The following MGAT4C variants were observed in gnomAD, a reference collection of about 807,000 sequenced individuals.
The protein encoded by MGAT4C is alpha-1,3-mannosyl-glycoprotein 4-beta-N-acetylglucosaminyltransferase C.
A neutral mutation model predicts 40.1 loss-of-function variants in MGAT4C; 19 were observed. The ratio of observed to expected loss-of-function variants is 0.47; its 90% CI spans 0.33 to 0.70. The LOEUF (loss-of-function observed/expected upper bound fraction) is 0.70, where lower values mean the gene tolerates loss of function less well. Among genes scored for constraint, MGAT4C ranks in the 30% least tolerant of loss-of-function variants. MGAT4C has a pLI of 0.02. For synonymous variants in MGAT4C, 181 were observed against 187.1 expected, an observed-to-expected ratio of 0.97 and a Z score of 0.27; for missense variants, 491 against 563.2, an observed-to-expected ratio of 0.87 and a Z score of 1.30.
chr12:86,797,009 T>C (rs1952135656), intron 1 of MGAT4C, among the ~76,000 whole-genome samples: 1 of 151,898 alleles, frequency 6.6e-6, no homozygotes, highest in African/African-American at 2.4e-5. Context: ...TGGCTTATCT[T>C]TTTGACTAAT....
chr12:86,349,907 C>G (rs1038672326), intron 3 of MGAT4C, among the ~76,000 whole-genome samples: 1 of 151,610 alleles, frequency 6.6e-6, no homozygotes, highest in African/African-American at 2.4e-5. Flanking sequence ...TAATTTATTC[C>G]AAATATAATT....
intron 1 of MGAT4C, among the ~76,000 whole-genome samples, chr12:86,054,012 C>T (rs979583604): frequency 6.6e-6 from 1 of 151,814 alleles, no homozygotes; most frequent in Non-Finnish European, 1.5e-5. Context: ...ATTAGTACAG[C>T]CGCTATGGAA....
In MGAT4C at chr12:86,092,879, A is replaced by G. The variant is rs556757638; in HGVS notation, c.-56-43156T>C. On this transcript the variant is annotated intron_variant, in intron 1 of 4. Transcript: ENST00000611864. ...CCTCTTTTTTTTATTATTATACTTT[A>G]AGTTCTAAGGTACATGTGCAGAACG... is the stretch of plus-strand genomic sequence containing the variant. 1.6e-4 allele frequency among the ~76,000 whole-genome samples: 24 copies of G among 151,970 alleles called. 1 individual carries two copies. In the South Asian group the frequency reaches 4.2e-3, roughly 26 times the overall value.
intron 1 of MGAT4C, among the ~76,000 whole-genome samples, chr12:86,152,294 G>A (rs1425392298): frequency 6.6e-6 from 1 of 152,210 alleles, no homozygotes; most frequent in Non-Finnish European, 1.5e-5. Flanking sequence ...CCAAGATCAA[G>A]GCGCTGGCAG....
intron 2 of MGAT4C, among the ~76,000 whole-genome samples, chr12:86,578,382 C>T (rs1960646556): frequency 6.6e-6 from 1 of 151,798 alleles, no homozygotes; most frequent in African/African-American, 2.4e-5. Context: ...GTAACACTGG[C>T]CTCATAGAAT....
rs539136258 is a variant in MGAT4C at position 86,411,985 on chromosome 12, A to C, written c.-120+23172T>G. 2.6e-5 allele frequency among the ~76,000 whole-genome samples: 4 copies of C among 152,298 alleles called. No individual in the cohort carries two copies. In the East Asian group the frequency reaches 7.7e-4, roughly 29 times the overall value. On this transcript the variant is annotated intron_variant, in intron 3 of 7. Coordinates refer to the MGAT4C transcript ENST00000548651. ...CACTGCTCCAAAGAGTGCCAGTCCT[A>C]AGGCCTGGTGGCTTCCACATGGTGT...
At chr12:86,425,226 G>T (rs1019862615) in intron 3 of MGAT4C, among the ~76,000 whole-genome samples, 5 of 152,140 alleles carry the variant, frequency 3.3e-5, no homozygotes, top group African/African-American at 1.2e-4. Context: ...AGAAGAATGA[G>T]AAATACACTG....
intron 4 of MGAT4C, among the ~76,000 whole-genome samples, chr12:86,324,736 ACAAT>A (rs1954485845): frequency 6.6e-6 from 1 of 152,224 alleles, no homozygotes; most frequent in South Asian, 2.1e-4. Context: ...AATTAGAAAA[ACAAT>A]CAATATTTCT....
intron 2 of MGAT4C, among the ~76,000 whole-genome samples, chr12:86,561,064 T>G (rs1049182935): frequency 2.6e-5 from 4 of 152,088 alleles, no homozygotes; most frequent in Non-Finnish European, 4.4e-5. Flanking sequence ...AAAAATATGC[T>G]TATGAATAAA....
chr12:86,043,495 C>T, intron 2 of MGAT4C, among the ~76,000 whole-genome samples: 1 of 152,246 alleles, frequency 6.6e-6, no homozygotes, highest in East Asian at 1.9e-4. Flanking sequence ...CAGTCTAGTC[C>T]TTCCACATTC....
At chr12:86,786,798 T>C (rs1050880997) in intron 1 of MGAT4C, among the ~76,000 whole-genome samples, 4 of 152,140 alleles carry the variant, frequency 2.6e-5, no homozygotes, top group African/African-American at 9.7e-5. Flanking sequence ...TTATTCTCTG[T>C]ATTCTCTCCT....
chr12:86,160,045 C>A (rs773104251), intron 1 of MGAT4C, among the ~76,000 whole-genome samples: 18 of 151,852 alleles, frequency 1.2e-4, no homozygotes, highest in Admixed American at 7.9e-4. Flanking sequence ...TCATTAAGTT[C>A]TTTTCTAATT....
chr12:86,339,970 A>G (rs1033795029), intron 3 of MGAT4C, among the ~76,000 whole-genome samples: 4 of 152,182 alleles, frequency 2.6e-5, no homozygotes, highest in Non-Finnish European at 5.9e-5. Flanking sequence ...GCCTTTATCT[A>G]GATATTGCAA....
rs1038777509 is a variant in MGAT4C, at chr12:85,979,774, A to G, written c.952T>C (p.Tyr318His). ...TTCAGCTTATTCTCCGTCCCTTTGT[A>G]TGATGAATAATAGCCCATGTGCTGA... ...LFQHMGYYSSYKGTENKLKDD... is the reference protein window; with the variant it reads ...LFQHMGYYSSHKGTENKLKDD... The change falls in exon 5 of 5, where the codon TAC becomes CAC. Residue 318 changes from tyrosine (Y) to histidine (H), a missense_variant. Coordinates refer to ENST00000611864, the MANE Select transcript of MGAT4C (RefSeq NM_001351288.2). 1.9e-6 allele frequency: 3 copies of G among 1,613,666 alleles called. No individual in the cohort carries two copies. The highest frequency in any genetic ancestry group is 2.7e-5 in the African/African-American group (2 of 75,036).
intron 4 of MGAT4C, among the ~76,000 whole-genome samples, chr12:86,310,544 G>A (rs1246533661): frequency 6.6e-6 from 1 of 152,102 alleles, no homozygotes; most frequent in Non-Finnish European, 1.5e-5. Context: ...AAGTTAATGT[G>A]AATACTCTCA....
chr12:86,494,986 A>T (rs1958212103), intron 2 of MGAT4C, among the ~76,000 whole-genome samples: 1 of 152,082 alleles, frequency 6.6e-6, no homozygotes, highest in Non-Finnish European at 1.5e-5. Flanking sequence ...GAAAATAAAC[A>T]CATCTAAAAA....
chr12:86,306,843 A>G (rs1438491193), intron 4 of MGAT4C, among the ~76,000 whole-genome samples: 1 of 79,562 alleles, frequency 1.3e-5, no homozygotes, highest in Non-Finnish European at 3.0e-5. Flanking sequence ...AGATAAAGGG[A>G]TACGTGATAA....
At chr12:86,133,360 T>G (rs1763071154) in intron 1 of MGAT4C, among the ~76,000 whole-genome samples, 1 of 152,244 alleles carries the variant, frequency 6.6e-6, no homozygotes, top group African/African-American at 2.4e-5. Context: ...TATCCTTATT[T>G]GTAAATGACG....
chr12:86,104,900 A>G lies in MGAT4C; in HGVS notation c.-56-55177T>C, dbSNP rs141592334. Among the ~76,000 whole-genome samples, 15 of 152,086 alleles carry G rather than the reference A, an allele frequency of 9.9e-5. No individual in the cohort carries two copies. In the East Asian group the frequency reaches 2.9e-3, roughly 29 times the overall value. On this transcript the variant is annotated intron_variant, in intron 1 of 4. Coordinates refer to ENST00000611864, the MANE Select transcript of MGAT4C (RefSeq NM_001351288.2). ...AGACCGTGTTCCTGGGTTGATGCAT[A>G]CTTAATAGACTCCAATACTTTTAAC...
Sources: gnomAD v4.1 joint callset for allele counts (sites outside exome capture counted in the v4.1 genomes callset) on GRCh38, gnomAD v4.1.1 for gene constraint, MANE v1.5 for transcripts, NCBI Gene and HGNC (gene_info 2026-07-23, HGNC 2026-07-21) for gene names.